The following ABLIM2 variants were observed in gnomAD, a reference collection of about 807,000 sequenced individuals.
ABLIM2 encodes actin binding LIM protein family member 2, also known as actin-binding LIM protein 2.
A neutral mutation model predicts 97.7 loss-of-function variants in ABLIM2; 53 were observed. The observed-to-expected ratio is 0.54, with a 90% CI of 0.44 to 0.68. The LOEUF (loss-of-function observed/expected upper bound fraction) is 0.68. Ranked by LOEUF, ABLIM2 falls within the 30% of genes least tolerant of loss-of-function variation. The pLI, the probability that ABLIM2 is intolerant of heterozygous loss-of-function variation, is 0.00. For synonymous variants in ABLIM2, 361 were observed against 345.8 expected, an observed-to-expected ratio of 1.04 and a Z score of -0.49; for missense variants, 835 against 867.2, an observed-to-expected ratio of 0.96 and a Z score of 0.47.
At chr4:8,109,926 C>T (rs1028612401) in intron 1 of ABLIM2, among the ~76,000 whole-genome samples, 6 of 152,352 alleles carry the variant, frequency 3.9e-5, no homozygotes, top group South Asian at 4.1e-4. Flanking sequence ...TTGTCCCACG[C>T]GCCTTTTGCC....
chr4:8,034,321 G>A lies in ABLIM2; in HGVS notation c.1047+1828C>T, dbSNP rs953713672. Among the ~76,000 whole-genome samples, 8 of 150,790 alleles carry A rather than the reference G, an allele frequency of 5.3e-5. No homozygotes were observed. In the South Asian group the frequency reaches 1.1e-3, roughly 20 times the overall value. On this transcript the variant is annotated intron_variant, in intron 10 of 20. Transcript: ENST00000447017. ...TGTAGGTAGGTACAGGTAGGTGGGT[G>A]TAGGTGGATGCACATGGGTGCAGGT...
intron 1 of ABLIM2, among the ~76,000 whole-genome samples, chr4:8,129,050 C>A (rs1198760111): frequency 6.6e-6 from 1 of 151,986 alleles, no homozygotes; most frequent in African/African-American, 2.4e-5. Flanking sequence ...CCCAACTGGG[C>A]TGCCAGCACC....
intron 18 of ABLIM2, 101 bp from the exon 19 acceptor site, chr4:7,983,655 C>A (rs935569259): frequency 2.4e-5 from 34 of 1,389,714 alleles, no homozygotes; most frequent in Admixed American, 1.4e-4. Context: ...CTGTCTCCCC[C>A]CTGCAGTCAC....
At chr4:8,060,630 G>A (rs184142691) in intron 7 of ABLIM2, among the ~76,000 whole-genome samples, 75 of 152,312 alleles carry the variant, frequency 4.9e-4, no homozygotes, top group African/African-American at 1.7e-3. Context: ...TCTAGAAGGG[G>A]CCTAAAGTGG....
At position 7,998,592 on chromosome 4, in the gene ABLIM2, C is replaced by T. The variant is rs908894449; in HGVS notation, c.1619-5665G>A. The T allele has an allele frequency of 1.0e-5, 5 of 482,460 alleles. No homozygotes were observed. Among genetic ancestry groups the T allele is most frequent in the East Asian group, 6.1e-5 (1 of 16,284 alleles). The allele number at this position is 482,460 out of a possible 1,614,324, so 29.9% of individuals were successfully genotyped here. On this transcript the variant is annotated intron_variant, in intron 16 of 20. Transcript: ENST00000447017. This position sits in a 1 kb window ranked among gnomAD's most constrained non-coding sequence, Gnocchi z 6.4. ...GCCCCTGGGTTCACTCCCAGGACTG[C>T]GGGGTGCCTGCTGGCCACCTGCCCA...
At chr4:8,131,804 GAGCACAGCAGCCCGCATCCCC>G (rs1347273016) in intron 1 of ABLIM2, among the ~76,000 whole-genome samples, 4 of 93,048 alleles carry the variant, frequency 4.3e-5, no homozygotes, top group East Asian at 5.9e-4. Flanking sequence ...CCGCATCCCT[GAGCACAGCAGCCCGCATCCCC>G]AGCACAGCAG....
At chr4:8,137,891 A>G (rs1850408221) in intron 1 of ABLIM2, among the ~76,000 whole-genome samples, 1 of 152,262 alleles carries the variant, frequency 6.6e-6, no homozygotes, top group Admixed American at 6.5e-5. Flanking sequence ...CCTTAGTCAC[A>G]TCAGCCAAGA....
Position 8,120,943 on chromosome 4 carries a change from C to T in ABLIM2, c.11-14306G>A, listed in dbSNP as rs994693827. ...GCAGATTGCTAGCTCAGAGAAAGAT[C>T]GAAATTCAAAATTCAAAGTATGGTT... is the stretch of plus-strand genomic sequence containing the variant. On this transcript the variant is annotated intron_variant, in intron 1 of 20. Coordinates refer to ENST00000447017, the MANE Select transcript of ABLIM2 (RefSeq NM_001130083.2). This position sits in a 1 kb window ranked among gnomAD's most constrained non-coding sequence, Gnocchi z 5.6. Among the ~76,000 whole-genome samples the T allele has an allele frequency of 6.6e-6, 1 of 152,164 alleles. No individual in the cohort carries two copies. The highest frequency in any genetic ancestry group is 6.5e-5 in the Admixed American group (1 of 15,276).
intron 17 of ABLIM2, among the ~76,000 whole-genome samples, chr4:7,985,886 A>T (rs967324669): frequency 6.6e-6 from 1 of 152,150 alleles, no homozygotes; most frequent in African/African-American, 2.4e-5. Context: ...ACCTCTATGG[A>T]GGGTTCCCCA....
At chr4:7,997,283 G>C (rs748966508) in intron 16 of ABLIM2, among the ~76,000 whole-genome samples, 1 of 152,132 alleles carries the variant, frequency 6.6e-6, no homozygotes, top group Non-Finnish European at 1.5e-5. Context: ...TGTTGGCCAG[G>C]ATGGTCTTGA....
At position 8,123,686 on chromosome 4, in the gene ABLIM2, G is replaced by A. The variant is rs1014267428; in HGVS notation, c.11-17049C>T. Among the ~76,000 whole-genome samples, 16 of 152,330 alleles carry A rather than the reference G, an allele frequency of 1.1e-4. No homozygotes were observed. Among genetic ancestry groups the A allele is most frequent in the African/African-American group, 3.1e-4 (13 of 41,574 alleles). On this transcript the variant is annotated intron_variant, in intron 1 of 20. Coordinates refer to ENST00000447017, the MANE Select transcript of ABLIM2 (RefSeq NM_001130083.2). This position sits in a 1 kb window ranked among gnomAD's most constrained non-coding sequence, Gnocchi z 6.2. The stretch of plus-strand genomic sequence containing the variant: ...GCCTTAAAGCGGGTCTCCTGGGGGC[G>A]TCATCCTTGTACTGACAGGGTCCGG...
In ABLIM2 at chr4:8,005,551, C is replaced by T. The variant is rs1011449312; in HGVS notation, c.1618+2508G>A. 12 of 480,994 alleles carry T rather than the reference C, an allele frequency of 2.5e-5. No individual in the cohort carries two copies. The highest frequency in any genetic ancestry group is 6.5e-5 in the Admixed American group (3 of 46,402). 29.8% of individuals were successfully genotyped at this position (480,994 alleles called of 1,614,324 possible). On this transcript the variant is annotated intron_variant, in intron 16 of 20. Coordinates refer to ENST00000447017, the MANE Select transcript of ABLIM2 (RefSeq NM_001130083.2). This position sits in a 1 kb window ranked among gnomAD's most constrained non-coding sequence, Gnocchi z 4.9. ...TACTTGGTGACAATCAAAAGAACCC[C>T]GAGAGAAAAAAAAGGGTGGCTCCCT...
chr4:8,029,551 T>G, intron 11 of ABLIM2, 105 bp downstream of exon 11: 1 of 1,183,848 alleles, frequency 8.4e-7, no homozygotes, highest in Non-Finnish European at 1.1e-6. Context: ...TCCAGTTGTA[T>G]AAGAAAAATG....
In ABLIM2 at chr4:7,967,032, G is replaced by A. The variant is rs1053465139; in HGVS notation, c.1896C>T (p.Leu632=). 3 of 1,613,812 alleles carry A rather than the reference G, an allele frequency of 1.9e-6. No homozygotes were observed. Among genetic ancestry groups the A allele is most frequent in the Non-Finnish European group, 2.5e-6 (3 of 1,179,986 alleles). ...TCTTCTTAAGGTCATTCCTCTTCCA[G>A]AGGGCCAGGCGGTCAAACTCCTCGA... ...MSIEEFDRLA[L]WKRNDLKKKA... Residue 632 remains leucine, a synonymous_variant, in exon 21 of 21, where the codon CTC becomes CTT. Coordinates refer to ENST00000447017, the MANE Select transcript of ABLIM2 (RefSeq NM_001130083.2).
At chr4:8,105,696 C>T (rs1432269847) in intron 2 of ABLIM2, among the ~76,000 whole-genome samples, 1 of 152,268 alleles carries the variant, frequency 6.6e-6, no homozygotes, top group Non-Finnish European at 1.5e-5. Flanking sequence ...GGGCCGCACA[C>T]CGCAGCAGGG....
intron 20 of ABLIM2, among the ~76,000 whole-genome samples, chr4:7,976,520 G>C (rs923356402): frequency 2.0e-5 from 3 of 152,162 alleles, no homozygotes; most frequent in African/African-American, 7.2e-5. Flanking sequence ...GCCCTGCAGG[G>C]CCTATCCGGG....
Position 8,021,194 on chromosome 4 carries a change from G to A in ABLIM2, c.1268-891C>T, listed in dbSNP as rs1385706422. 1.3e-5 allele frequency among the ~76,000 whole-genome samples: 2 copies of A among 152,080 alleles called. No individual in the cohort carries two copies. Among genetic ancestry groups the A allele is most frequent in the Non-Finnish European group, 2.9e-5 (2 of 68,030 alleles). ...ACAACTGCTTTTTGGCAAATTAAAT[G>A]GAAAGCATCCTCTGACCCTGCTTCA... On this transcript the variant is annotated intron_variant, in intron 12 of 20. Transcript: ENST00000447017. This position sits in a 1 kb window ranked among gnomAD's most constrained non-coding sequence, Gnocchi z 5.5.
At position 8,002,583 on chromosome 4, in the gene ABLIM2, T is replaced by C. The variant is rs566419033; in HGVS notation, c.1618+5476A>G. ...GCACTGCGCTCCAGACCTTTCCTGA[T>C]TGGACCTCGGCCTGCTTCCACCAGC... On this transcript the variant is annotated intron_variant, in intron 16 of 20. Transcript: ENST00000447017. This position sits in a 1 kb window ranked among gnomAD's most constrained non-coding sequence, Gnocchi z 6.1. 9.2e-5 allele frequency among the ~76,000 whole-genome samples: 14 copies of C among 152,324 alleles called. No individual in the cohort carries two copies. Among genetic ancestry groups the C allele is most frequent in the African/African-American group, 3.4e-4 (14 of 41,580 alleles).
chr4:7,984,837 ACCTCGCATGCCC>A lies in ABLIM2; in HGVS notation c.1725_1735+1del. ...GACCCACAGGGTCCCCGCTCTGTGTACCTCGCATGCCCCAGCTGGCATCCGGGTCTGCTCCAC... is the reference window on the plus strand; with the variant it reads ...GACCCACAGGGTCCCCGCTCTGTGTACAGCTGGCATCCGGGTCTGCTCCAC... On this transcript the variant is annotated splice_donor_variant and coding_sequence_variant, in exon 18 of 21. Coordinates refer to ENST00000447017, the MANE Select transcript of ABLIM2 (RefSeq NM_001130083.2). LOFTEE classifies it high-confidence loss of function. The A allele has an allele frequency of 6.3e-7, 1 of 1,598,368 alleles. No homozygotes were observed. Among genetic ancestry groups the A allele is most frequent in the Non-Finnish European group, 8.5e-7 (1 of 1,172,912 alleles).
Sources: gnomAD v4.1 joint callset for allele counts (sites outside exome capture counted in the v4.1 genomes callset) on GRCh38, gnomAD v4.1.1 for gene constraint, Gnocchi (gnomAD v3.1) non-coding constraint, MANE v1.5 for transcripts, NCBI Gene and HGNC (gene_info 2026-07-23, HGNC 2026-07-21) for gene names.